The following ASCC2 variants were observed in gnomAD, a reference collection of about 807,000 sequenced individuals.
ASCC2 encodes activating signal cointegrator 1 complex subunit 2.
ASCC2 carries 42 observed loss-of-function variants against 93.5 expected under a neutral mutation model. The observed-to-expected ratio is 0.45, with a 90% CI of 0.35 to 0.58. The LOEUF is 0.58. Among genes scored for constraint, ASCC2 ranks in the 20% least tolerant of loss-of-function variants. The probability of loss-of-function intolerance (pLI) is 0.00; values close to 1 mark genes in which losing one functional copy is unlikely to be tolerated. For missense variants in ASCC2, 859 were observed against 977.6 expected, an observed-to-expected ratio of 0.88 and a Z score of 1.62; for synonymous variants, 364 against 384.2, an observed-to-expected ratio of 0.95 and a Z score of 0.62.
rs2062130797 is a variant in ASCC2 at position 29,825,071 on chromosome 22, G to T, written c.411+16C>A. ...CGAGTATCGGGTGATGACCTGTCAT[G>T]GGATCAGTGGCTTACTTTGGATTCC... On this transcript the variant is annotated intron_variant, in intron 4 of 19. Transcript: ENST00000307790. The surrounding 1 kb of genome is among the most constrained non-coding windows in gnomAD (Gnocchi z 4.9). The T allele has an allele frequency of 6.9e-7, 1 of 1,445,886 alleles. No homozygotes were observed. Among genetic ancestry groups the T allele is most frequent in the Non-Finnish European group, 9.2e-7 (1 of 1,090,418 alleles). 89.6% of individuals were successfully genotyped at this position (1,445,886 alleles called of 1,614,324 possible).
At chr22:29,834,537 A>G (rs1200098047) in intron 1 of ASCC2, 1 of 471,162 alleles carries the variant, frequency 2.1e-6, no homozygotes. Context: ...TGGTCTCTGC[A>G]TACACGAGGT....
chr22:29,804,953 T>G, intron 12 of ASCC2, 123 bp from the exon 13 acceptor site: 1 of 1,018,194 alleles, frequency 9.8e-7, no homozygotes, highest in Non-Finnish European at 1.5e-6. Context: ...TATATCTAAG[T>G]GGTATAGCCC....
At chr22:29,816,117 C>T in intron 5 of ASCC2, 44 bp from the exon 6 acceptor site, 2 of 1,481,066 alleles carry the variant, frequency 1.4e-6, no homozygotes, top group South Asian at 1.2e-5. Flanking sequence ...AAGGTGGGGG[C>T]TCGGGGCAGT....
At chr22:29,790,253 G>C (rs1280836041) in intron 19 of ASCC2, among the ~76,000 whole-genome samples, 2 of 152,228 alleles carry the variant, frequency 1.3e-5, no homozygotes, top group African/African-American at 4.8e-5. Flanking sequence ...CCTACTAGCT[G>C]TGTGACTTCT....
chr22:29,816,207 T>C (rs1473123765), intron 5 of ASCC2, 134 bp from the exon 6 acceptor site: 33 of 737,776 alleles, frequency 4.5e-5, no homozygotes, highest in Non-Finnish European at 7.1e-5. Context: ...AGCTAGGACC[T>C]AGGACGAGTC....
chr22:29,812,885 C>T (rs568593659), intron 8 of ASCC2, among the ~76,000 whole-genome samples: 2 of 132,904 alleles, frequency 1.5e-5, no homozygotes, highest in African/African-American at 2.6e-5. Flanking sequence ...CTTGGTTGTG[C>T]GTTTTTTTTT....
Position 29,825,671 on chromosome 22 carries a change from T to C in ASCC2, c.191A>G (p.Asn64Ser), listed in dbSNP as rs1244282068. Residue 64 changes from asparagine (N) to serine (S), a missense_variant, in exon 3 of 20, where the codon AAT becomes AGT. Physicochemically the swap from Asn to Ser is conservative, Grantham distance 46 (BLOSUM62 1). Transcript: ENST00000307790. This position sits in a 1 kb window ranked among gnomAD's most constrained non-coding sequence, Gnocchi z 4.9. ...CAAGGCCAGGAGCCAGTCGAGGTCA[T>C]TGGCTACGAAGGTGGCGCGTTCCAG... ...EYLERATFVA[N>S]DLDWLLALPH... is the part of the protein sequence containing the mutation. 3 of 1,614,226 alleles carry C rather than the reference T, an allele frequency of 1.9e-6. No homozygotes were observed. Among genetic ancestry groups the C allele is most frequent in the Non-Finnish European group, 2.5e-6 (3 of 1,180,042 alleles).
intron 14 of ASCC2, among the ~76,000 whole-genome samples, chr22:29,801,715 C>T (rs998952478): frequency 6.6e-6 from 1 of 152,178 alleles, no homozygotes; most frequent in Non-Finnish European, 1.5e-5. Flanking sequence ...GGCTCAACAA[C>T]CCTGTGTTAC....
At chr22:29,800,100 A>G (rs1479798562) in intron 15 of ASCC2, among the ~76,000 whole-genome samples, 2 of 152,180 alleles carry the variant, frequency 1.3e-5, no homozygotes, top group Non-Finnish European at 2.9e-5. Context: ...TCTTTTCAAA[A>G]CATAAAATAT....
intron 15 of ASCC2, among the ~76,000 whole-genome samples, chr22:29,794,954 CTT>C (rs57206077): frequency 3.1e-4 from 44 of 141,724 alleles, no homozygotes; most frequent in Admixed American, 4.3e-4. Context: ...TTGTCTAAAT[CTT>C]TTTTTTTTTT....
Position 29,806,708 on chromosome 22 carries a change from T to G in ASCC2, c.1016+89A>C, listed in dbSNP as rs550700202. ...CTCTGTTCAGCCAACCCCAGTGCAG[T>G]GGAGGAAGCCAAGATGAAATAATGG... On this transcript the variant is annotated intron_variant, in intron 10 of 19. Transcript: ENST00000307790. 7.8e-5 allele frequency: 112 copies of G among 1,439,736 alleles called. 3 individuals carry two copies. The Admixed American group carries it at 2.0e-3, about 26-fold the overall frequency. 89.2% of individuals were successfully genotyped at this position (1,439,736 alleles called of 1,614,324 possible). A position where few individuals can be genotyped will look rare whatever the true frequency, so the allele number is the denominator to read the frequency against.
At chr22:29,830,893 G>A (rs1482527864) in intron 2 of ASCC2, among the ~76,000 whole-genome samples, 1 of 152,218 alleles carries the variant, frequency 6.6e-6, no homozygotes. Context: ...AATGCCTGCA[G>A]TCTAACAACC....
chr22:29,825,951 G>T lies in ASCC2; in HGVS notation c.82-171C>A. 3 of 651,082 alleles carry T rather than the reference G, an allele frequency of 4.6e-6. No homozygotes were observed. The highest frequency in any genetic ancestry group is 7.8e-6 in the Non-Finnish European group (3 of 386,578). The allele number at this position is 651,082 out of a possible 1,614,324, so 40.3% of individuals were successfully genotyped here. A position where few individuals can be genotyped will look rare whatever the true frequency, so the allele number is the denominator to read the frequency against. On this transcript the variant is annotated intron_variant, in intron 2 of 19. Transcript: ENST00000307790. The surrounding 1 kb of genome is among the most constrained non-coding windows in gnomAD (Gnocchi z 4.9). ...CAAAGAGGGCATGGTTGCATTCAGCGAACACTAGGCGGTAATTAAAATCCA... is the reference window on the plus strand; with the variant it reads ...CAAAGAGGGCATGGTTGCATTCAGCTAACACTAGGCGGTAATTAAAATCCA...
At chr22:29,790,027 C>T (rs2068768482) in intron 19 of ASCC2, among the ~76,000 whole-genome samples, 2 of 152,192 alleles carry the variant, frequency 1.3e-5, no homozygotes, top group African/African-American at 4.8e-5. Flanking sequence ...CCTTTTCACC[C>T]TTAGGGGCCC....
At chr22:29,808,427 A>G (rs1022932441) in intron 8 of ASCC2, among the ~76,000 whole-genome samples, 98 of 152,336 alleles carry the variant, frequency 6.4e-4, no homozygotes, top group African/African-American at 7.2e-5. Flanking sequence ...ACTGAGGCCC[A>G]GATAGGCTCA....
intron 2 of ASCC2, among the ~76,000 whole-genome samples, chr22:29,827,012 G>A (rs188064212): frequency 3.3e-5 from 5 of 150,524 alleles, no homozygotes; most frequent in South Asian, 4.2e-4. Context: ...GCAGAAGAAC[G>A]GCGTGAACCC....
At position 29,824,435 on chromosome 22, in the gene ASCC2, C is replaced by T. The variant is rs144836430; in HGVS notation, c.411+652G>A. On this transcript the variant is annotated intron_variant, in intron 4 of 19. Coordinates refer to ENST00000307790, the MANE Select transcript of ASCC2 (RefSeq NM_032204.5). ...TTCAAGACTAGCCTGAGAAACATAGCGAGACCTCGTCTCTACTAAAAATCA... is the reference window on the plus strand; with the variant it reads ...TTCAAGACTAGCCTGAGAAACATAGTGAGACCTCGTCTCTACTAAAAATCA... 8.1e-3 allele frequency among the ~76,000 whole-genome samples: 1,231 copies of T among 151,988 alleles called. 18 individuals carry two copies. The highest frequency in any genetic ancestry group is 0.028 in the African/African-American group (1,162 of 41,456).
chr22:29,789,224 CG>C (rs776546215), intron 19 of ASCC2, 40 bp from the exon 20 acceptor site: 344 of 1,612,458 alleles, frequency 2.1e-4, no homozygotes, highest in Non-Finnish European at 2.8e-4. Flanking sequence ...ACCTGTCAGC[CG>C]GAAGAGGCTC....
intron 17 of ASCC2, 109 bp from the exon 18 acceptor site, chr22:29,792,644 G>A (rs2057902072): frequency 6.8e-7 from 1 of 1,464,536 alleles, no homozygotes. Context: ...GAGGGCTCAG[G>A]AGGTTGGGAA....
Sources: allele counts gnomAD v4.1 joint callset (sites outside exome capture counted in the v4.1 genomes callset), GRCh38; gene constraint gnomAD v4.1.1; non-coding constraint Gnocchi (gnomAD v3.1); transcripts MANE v1.5; gene names NCBI Gene and HGNC (gene_info 2026-07-23, HGNC 2026-07-21).